PRR12: variants seen among roughly 807,000 people sequenced by gnomAD.
PRR12 encodes proline rich 12.
A neutral mutation model predicts 138.0 loss-of-function variants in PRR12; 12 were observed. That is an observed-to-expected ratio of 0.09 (90% CI 0.06 to 0.14). The LOEUF (loss-of-function observed/expected upper bound fraction) is 0.14. Ranked by LOEUF, PRR12 falls within the 10% of genes least tolerant of loss-of-function variation. The pLI is 1.00. For synonymous variants in PRR12, 1,567 were observed against 1,291.7 expected, an observed-to-expected ratio of 1.21 and a Z score of -4.57; for missense variants, 2,692 against 2,861.3, an observed-to-expected ratio of 0.94 and a Z score of 1.35.
intron 1 of PRR12, 86 bp from the exon 2 acceptor site, chr19:49,593,241 C>A (rs1879731935): frequency 3.7e-6 from 2 of 536,940 alleles, no homozygotes; most frequent in South Asian, 2.1e-5. Flanking sequence ...CTGGAAGGGT[C>A]CCCCCAACTC....
chr19:49,607,018 G>T (rs931701210), intron 6 of PRR12, among the ~76,000 whole-genome samples: 1 of 151,896 alleles, frequency 6.6e-6, no homozygotes, highest in Admixed American at 6.6e-5. Flanking sequence ...GGTGAAATTA[G>T]CCATAGGTGG....
At position 49,614,451 on chromosome 19, in the gene PRR12, A is replaced by G. The variant is rs964704188; in HGVS notation, c.4774-82A>G. 4 of 938,800 alleles carry G rather than the reference A, an allele frequency of 4.3e-6. No individual in the cohort carries two copies. The highest frequency in any genetic ancestry group is 6.2e-6 in the Non-Finnish European group (4 of 642,390). 58.2% of individuals were successfully genotyped at this position (938,800 alleles called of 1,614,324 possible). The stretch of plus-strand genomic sequence containing the variant: ...TTTTCTCTAAGGGGATGGTGAGGGA[A>G]GCCAGTGGGCCAGGGCGTAGGGGCA... On this transcript the variant is annotated intron_variant, in intron 6 of 13. Coordinates refer to ENST00000418929, the MANE Select transcript of PRR12 (RefSeq NM_020719.3). This position sits in a 1 kb window ranked among gnomAD's most constrained non-coding sequence, Gnocchi z 5.0.
In PRR12 at chr19:49,594,877, G is replaced by A. The variant is rs2080754092; in HGVS notation, c.542G>A (p.Gly181Glu). The change falls in exon 4 of 14, where the codon GGG becomes GAG. Residue 181 changes from glycine to glutamate, a missense_variant. Physicochemically the swap from Gly to Glu is moderately conservative, Grantham distance 98. Around this residue, in one of 11 missense-constraint regions of PRR12, gnomAD observed 211 missense variants for 266.3 expected, o/e 0.79. Coordinates refer to ENST00000418929, the MANE Select transcript of PRR12 (RefSeq NM_020719.3). The surrounding 1 kb of genome is among the most constrained non-coding windows in gnomAD (Gnocchi z 5.6). ...QDPPFSPPAN[G>E]LLSPHDVLHL... ...CCCCCATTCAGCCCTCCAGCTAACG[G>A]GCTCCTGTCCCCTCATGACGTGCTG... 6.2e-7 allele frequency: 1 copy of A among 1,611,220 alleles called. No individual in the cohort carries two copies. The highest frequency in any genetic ancestry group is 1.7e-5 in the Admixed American group (1 of 59,674).
chr19:49,625,034 A>G lies in PRR12; in HGVS notation c.5868+44A>G. On this transcript the variant is annotated intron_variant, in intron 12 of 13. Coordinates refer to ENST00000418929, the MANE Select transcript of PRR12 (RefSeq NM_020719.3). This position sits in a 1 kb window ranked among gnomAD's most constrained non-coding sequence, Gnocchi z 5.5. ...GCTGGGAGTGGGGAGTGCTGGCGGT[A>G]TGTGGGAAGGGAGGAGAGGGGCTGC... 6.2e-7 allele frequency: 1 copy of G among 1,611,240 alleles called. No homozygotes were observed. Among genetic ancestry groups the G allele is most frequent in the Non-Finnish European group, 8.5e-7 (1 of 1,178,012 alleles).
Position 49,615,802 on chromosome 19 carries a change from C to A in PRR12, c.5080C>A (p.Pro1694Thr), listed in dbSNP as rs546267889. ...TGCTGGGGGTAGCTCTGCACCTCCC[C>A]CTAAGGCCCCAGCACCACCTCCCAA... ...VSAGGSSAPP[P>T]KAPAPPPKPE... The change falls in exon 9 of 14, where the codon CCT becomes ACT. Residue 1694 changes from proline to threonine, a missense_variant. Pro to Thr is a conservative substitution (Grantham distance 38). Around this residue, in one of 11 missense-constraint regions of PRR12, gnomAD observed 259 missense variants for 265.1 expected, o/e 0.98. Transcript: ENST00000418929. 2.5e-6 allele frequency: 4 copies of A among 1,612,958 alleles called. No individual in the cohort carries two copies. Among genetic ancestry groups the A allele is most frequent in the Non-Finnish European group, 3.4e-6 (4 of 1,179,482 alleles).
chr19:49,602,299 G>C (rs2080816732), intron 6 of PRR12, among the ~76,000 whole-genome samples: 1 of 152,128 alleles, frequency 6.6e-6, no homozygotes, highest in Non-Finnish European at 1.5e-5. Context: ...TAGTTTAATG[G>C]AACCAGCCAG....
intron 11 of PRR12, among the ~76,000 whole-genome samples, chr19:49,623,352 G>A (rs187280294): frequency 6.6e-6 from 1 of 151,530 alleles, no homozygotes; most frequent in Non-Finnish European, 1.5e-5. Context: ...ATGGCTGGGC[G>A]CGGAGGCTCA....
At chr19:49,592,031 A>G (rs993055159) in intron 1 of PRR12, among the ~76,000 whole-genome samples, 4 of 152,162 alleles carry the variant, frequency 2.6e-5, no homozygotes, top group African/African-American at 9.7e-5. Context: ...TGGCGAAGCA[A>G]GGCCTGGACT....
chr19:49,607,008 G>A (rs1292071855), intron 6 of PRR12, among the ~76,000 whole-genome samples: 1 of 151,952 alleles, frequency 6.6e-6, no homozygotes, highest in African/African-American at 2.4e-5. Context: ...AAAAAAGATA[G>A]GTGAAATTAG....
At position 49,599,194 on chromosome 19, in the gene PRR12, G is replaced by T. The variant is rs569229039; in HGVS notation, c.3679-78G>T. ...CACAGGCTGAGCACCTGTAAATTTG[G>T]ATTTTTGGGGGCTGAGGGAGGATGG... On this transcript the variant is annotated intron_variant, in intron 4 of 13. Coordinates refer to ENST00000418929, the MANE Select transcript of PRR12 (RefSeq NM_020719.3). This position sits in a 1 kb window ranked among gnomAD's most constrained non-coding sequence, Gnocchi z 5.0. 7.1e-7 allele frequency: 1 copy of T among 1,400,096 alleles called. No homozygotes were observed. Among genetic ancestry groups the T allele is most frequent in the East Asian group, 2.4e-5 (1 of 41,282 alleles). The allele number at this position is 1,400,096 out of a possible 1,614,324, so 86.7% of individuals were successfully genotyped here.
rs2080747784 is a variant in PRR12, at chr19:49,594,057, GTCTT to G, written c.200-392_200-389del. Among the ~76,000 whole-genome samples, 1 of 151,892 alleles carries G rather than the reference GTCTT, an allele frequency of 6.6e-6. No homozygotes were observed. Among genetic ancestry groups the G allele is most frequent in the African/African-American group, 2.4e-5 (1 of 41,328 alleles). ...TCAATCCTTTCTGACACGTTCTCTG[GTCTT>G]TCTTAGACTTCATTGTCCCATCCTT... On this transcript the variant is annotated intron_variant, in intron 2 of 13. Coordinates refer to ENST00000418929, the MANE Select transcript of PRR12 (RefSeq NM_020719.3). This position sits in a 1 kb window ranked among gnomAD's most constrained non-coding sequence, Gnocchi z 5.6.
At chr19:49,619,535 C>T (rs1381631776) in intron 9 of PRR12, among the ~76,000 whole-genome samples, 1 of 67,138 alleles carries the variant, frequency 1.5e-5, no homozygotes, top group Non-Finnish European at 2.6e-5. Context: ...ATGCCCAGCC[C>T]TTTTTTTTTT....
rs1421776535 is a variant in PRR12 at position 49,597,239 on chromosome 19, T to A, written c.2904T>A (p.Pro968=). Residue 968 remains proline, a synonymous_variant, in exon 4 of 14, where the codon CCT becomes CCA. Coordinates refer to ENST00000418929, the MANE Select transcript of PRR12 (RefSeq NM_020719.3). This position sits in a 1 kb window ranked among gnomAD's most constrained non-coding sequence, Gnocchi z 6.3. The stretch of plus-strand genomic sequence containing the variant: ...ACGACTACGGCAAGGCCGGGCCACC[T>A]GAGGACGAGGGGGACCCCAAGGCTG... ...AADDYGKAGP[P]EDEGDPKAGA... is the part of the protein sequence containing the mutation. 3.2e-6 allele frequency: 5 copies of A among 1,570,520 alleles called. No individual in the cohort carries two copies. The highest frequency in any genetic ancestry group is 4.3e-6 in the Non-Finnish European group (5 of 1,158,330).
In PRR12 at chr19:49,597,346, A is replaced by C; in HGVS notation, c.3011A>C (p.Glu1004Ala). ...CPGRASGAGP[E>A]TPGLGLDPNK... ...GGCCGGGCGTCGGGAGCCGGGCCCG[A>C]GACACCGGGCCTGGGCCTGGACCCC... Residue 1004 changes from glutamate to alanine, a missense_variant, in exon 4 of 14, where the codon GAG becomes GCG. By Grantham distance (107) the Glu-to-Ala change is moderately radical. Coordinates refer to ENST00000418929, the MANE Select transcript of PRR12 (RefSeq NM_020719.3). The surrounding 1 kb of genome is among the most constrained non-coding windows in gnomAD (Gnocchi z 6.3). The C allele has an allele frequency of 1.3e-6, 2 of 1,540,572 alleles. No homozygotes were observed. The highest frequency in any genetic ancestry group is 1.7e-6 in the Non-Finnish European group (2 of 1,147,400).
At chr19:49,598,400 A>G (rs995544509) in intron 4 of PRR12, among the ~76,000 whole-genome samples, 2 of 152,118 alleles carry the variant, frequency 1.3e-5, no homozygotes, top group Non-Finnish European at 2.9e-5. Context: ...CTTAAAGGAC[A>G]GGTTTATGGC....
Position 49,595,227 on chromosome 19 carries a change from G to GGCCCCCCC in PRR12, c.892_893insGCCCCCCC (p.Ala298GlyfsTer20). On this transcript the variant is annotated frameshift_variant, in exon 4 of 14. Coordinates refer to ENST00000418929, the MANE Select transcript of PRR12 (RefSeq NM_020719.3). LOFTEE classifies it high-confidence loss of function. ...CAAGCACTACCAGCGGCCAGCCAGT[G>GGCCCCCCC]CCCAGCCCCCACCACCCCCGCCACC... 2 of 1,552,916 alleles carry GGCCCCCCC rather than the reference G, an allele frequency of 1.3e-6. No homozygotes were observed. The highest frequency in any genetic ancestry group is 1.7e-6 in the Non-Finnish European group (2 of 1,149,654).
At chr19:49,604,697 A>G (rs2080829439) in intron 6 of PRR12, among the ~76,000 whole-genome samples, 1 of 152,130 alleles carries the variant, frequency 6.6e-6, no homozygotes, top group South Asian at 2.1e-4. Context: ...AAAGAAAAAA[A>G]GAATATTGAC....
In PRR12 at chr19:49,597,942, C is replaced by G; in HGVS notation, c.3607C>G (p.Arg1203Gly). 1 of 1,399,848 alleles carries G rather than the reference C, an allele frequency of 7.1e-7. No individual in the cohort carries two copies. Among genetic ancestry groups the G allele is most frequent in the African/African-American group, 1.5e-5 (1 of 65,612 alleles). 86.7% of individuals were successfully genotyped at this position (1,399,848 alleles called of 1,614,324 possible). A position where few individuals can be genotyped will look rare whatever the true frequency, so the allele number is the denominator to read the frequency against. Residue 1203 changes from arginine to glycine, a missense_variant, in exon 4 of 14, where the codon CGG becomes GGG. Arg to Gly is a moderately radical substitution (Grantham distance 125, BLOSUM62 -2). Transcript: ENST00000418929. This position sits in a 1 kb window ranked among gnomAD's most constrained non-coding sequence, Gnocchi z 6.3. ...PTDGAKKPRG[R>G]GRGRGRKAEE... ...CGATGGCGCCAAGAAACCCCGGGGCCGGGGCCGAGGCCGGGGTCGAAAGGC... is the reference window on the plus strand; with the variant it reads ...CGATGGCGCCAAGAAACCCCGGGGCGGGGGCCGAGGCCGGGGTCGAAAGGC...
At chr19:49,605,424 G>A (rs1489067629) in intron 6 of PRR12, among the ~76,000 whole-genome samples, 1 of 151,736 alleles carries the variant, frequency 6.6e-6, no homozygotes, top group Non-Finnish European at 1.5e-5. Context: ...CACCATGCCT[G>A]GCTAATTTTG....
Sources: gnomAD v4.1 joint callset for allele counts (sites outside exome capture counted in the v4.1 genomes callset) on GRCh38, gnomAD v4.1.1 for gene constraint, gnomAD v4.1.1 regional missense constraint, Gnocchi (gnomAD v3.1) non-coding constraint, MANE v1.5 for transcripts, NCBI Gene and HGNC (gene_info 2026-07-23, HGNC 2026-07-21) for gene names.